The following EPG5 variants were observed in gnomAD, a reference collection of about 807,000 sequenced individuals.
The protein encoded by EPG5 is ectopic P-granules 5 autophagy tethering factor.
A neutral mutation model predicts 302.7 loss-of-function variants in EPG5; 159 were observed. The ratio of observed to expected loss-of-function variants is 0.53; its 90% CI spans 0.46 to 0.60. The LOEUF (loss-of-function observed/expected upper bound fraction) is 0.60, where lower values mean the gene tolerates loss of function less well. Ranked by LOEUF, EPG5 falls within the 20% of genes least tolerant of loss-of-function variation. The pLI is 0.00. For missense variants in EPG5, 2,896 were observed against 3,092.4 expected, an observed-to-expected ratio of 0.94 and a Z score of 1.51; for synonymous variants, 1,158 against 1,136.8, an observed-to-expected ratio of 1.02 and a Z score of -0.37.
intron 24 of EPG5, among the ~76,000 whole-genome samples, chr18:45,906,895 A>T (rs1356419338): frequency 6.6e-6 from 1 of 152,172 alleles, no homozygotes; most frequent in East Asian, 1.9e-4. Context: ...GCCTCAGGTG[A>T]TCTACCCACC....
Position 45,910,754 on chromosome 18 carries a change from C to G in EPG5, c.3984-12G>C, listed in dbSNP as rs2145667569. On this transcript the variant is annotated splice_polypyrimidine_tract_variant and intron_variant, in intron 22 of 43. Transcript: ENST00000282041. ...CATCTATGGGTAACCTTAAAAAACACAAGCACAGATCTATAACCTTTCAAC... is the reference window on the plus strand; with the variant it reads ...CATCTATGGGTAACCTTAAAAAACAGAAGCACAGATCTATAACCTTTCAAC... The G allele has an allele frequency of 6.2e-7, 1 of 1,603,300 alleles. No individual in the cohort carries two copies. The highest frequency in any genetic ancestry group is 8.5e-7 in the Non-Finnish European group (1 of 1,170,820).
In EPG5 at chr18:45,952,344, C is replaced by T. The variant is rs928632821; in HGVS notation, c.1252+56G>A. 1.3e-5 allele frequency: 21 copies of T among 1,590,962 alleles called. No individual in the cohort carries two copies. The South Asian group carries it at 2.0e-4, about 16-fold the overall frequency. ...TACAGTCAATTCAACCAGGCTATACCCCTCAATTTTTTTTTACTTCAAAAC... is the reference window on the plus strand; with the variant it reads ...TACAGTCAATTCAACCAGGCTATACTCCTCAATTTTTTTTTACTTCAAAAC... On this transcript the variant is annotated intron_variant, in intron 3 of 43. Coordinates refer to ENST00000282041, the MANE Select transcript of EPG5 (RefSeq NM_020964.3).
intron 26 of EPG5, among the ~76,000 whole-genome samples, chr18:45,899,811 CA>C (rs1321296404): frequency 6.6e-6 from 1 of 152,172 alleles, no homozygotes; most frequent in Admixed American, 6.5e-5. Flanking sequence ...TAGCCACAAA[CA>C]AAGCTCCATT....
At chr18:45,929,136 C>A in intron 12 of EPG5, 127 bp from the exon 13 acceptor site, 5 of 936,128 alleles carry the variant, frequency 5.3e-6, no homozygotes, top group Non-Finnish European at 7.8e-6. Context: ...CACTATGTTC[C>A]AAAAAATGTT....
At chr18:45,945,245 C>T (rs937018019) in intron 7 of EPG5, among the ~76,000 whole-genome samples, 2 of 152,192 alleles carry the variant, frequency 1.3e-5, no homozygotes, top group African/African-American at 4.8e-5. Flanking sequence ...TAGTTCTCAA[C>T]TTAGCTATTC....
At position 45,858,001 on chromosome 18, in the gene EPG5, T is replaced by C. The variant is rs768694584; in HGVS notation, c.7294A>G (p.Thr2432Ala). The C allele has an allele frequency of 5.0e-6, 8 of 1,613,750 alleles. No homozygotes were observed. Among genetic ancestry groups the C allele is most frequent in the Non-Finnish European group, 6.8e-6 (8 of 1,179,982 alleles). The change falls in exon 42 of 44, where the codon ACA (threonine) becomes GCA (alanine). Residue 2432 changes from threonine to alanine, a missense_variant. Thr to Ala is a moderately conservative substitution (Grantham distance 58). Coordinates refer to ENST00000282041, the MANE Select transcript of EPG5 (RefSeq NM_020964.3). The part of the protein sequence containing the change: ...HQVLQLSLIQ[T>A]EQNDSVLTES... ...GTCAGGACGGAGTCATTCTGCTCTG[T>C]CTGAATGAGGGAGAGCTGAAGGACT...
rs1023469699 is a variant in EPG5 at position 45,880,179 on chromosome 18, G to C, written c.5563C>G (p.Leu1855Val). The change falls in exon 32 of 44, where the codon CTG becomes GTG. Residue 1855 changes from leucine (L) to valine (V), a missense_variant. Physicochemically the swap from Leu to Val is conservative, Grantham distance 32. Around this residue, in one of 5 missense-constraint regions of EPG5, gnomAD observed 790 missense variants for 798.0 expected, o/e 0.99. Coordinates refer to ENST00000282041, the MANE Select transcript of EPG5 (RefSeq NM_020964.3). ...LLSPECWKATLRALGCCAPSC... is the reference protein window; with the variant it reads ...LLSPECWKATVRALGCCAPSC... Reference sequence around the variant, plus strand: ...GGGGCGCAGCAGCCCAGGGCTCTCAGAGTGGCCTTCCAACACTCGGGGCTC... The same window carrying C: ...GGGGCGCAGCAGCCCAGGGCTCTCACAGTGGCCTTCCAACACTCGGGGCTC... 6.2e-7 allele frequency: 1 copy of C among 1,610,688 alleles called. No individual in the cohort carries two copies. The highest frequency in any genetic ancestry group is 8.5e-7 in the Non-Finnish European group (1 of 1,178,090).
chr18:45,810,600 G>T, the EPG5 span, among the ~76,000 whole-genome samples: 16 of 152,222 alleles, frequency 1.1e-4, no homozygotes, highest in East Asian at 3.1e-3. Flanking sequence ...GGCTAACATG[G>T]CAAAACCCTG....
chr18:45,946,540 T>C, intron 7 of EPG5, 123 bp downstream of exon 7: 1 of 698,986 alleles, frequency 1.4e-6, no homozygotes, highest in Non-Finnish European at 2.5e-6. Context: ...TCATAAGTCT[T>C]TACCTCATGG....
At chr18:45,943,473 T>C (rs1034623791) in intron 8 of EPG5, among the ~76,000 whole-genome samples, 162 bp from the exon 9 acceptor site, 5 of 152,210 alleles carry the variant, frequency 3.3e-5, no homozygotes, top group African/African-American at 1.2e-4. Flanking sequence ...GGGAAAAAAC[T>C]TGAGACAATG....
intron 25 of EPG5, among the ~76,000 whole-genome samples, chr18:45,902,377 G>T (rs2049639373): frequency 6.6e-6 from 1 of 152,144 alleles, no homozygotes; most frequent in Non-Finnish European, 1.5e-5. Flanking sequence ...TACTATTTAT[G>T]TTAAAGTTCC....
chr18:45,906,316 A>G (rs563759226), intron 24 of EPG5, among the ~76,000 whole-genome samples: 4 of 152,234 alleles, frequency 2.6e-5, no homozygotes, highest in Non-Finnish European at 5.9e-5. Context: ...ACTTCAAAAT[A>G]CAAGCCAAAT....
chr18:45,930,549 C>A (rs2050376133), intron 12 of EPG5, 127 bp downstream of exon 12: 1 of 636,138 alleles, frequency 1.6e-6, no homozygotes, highest in African/African-American at 1.9e-5. Flanking sequence ...ATTCTCTATC[C>A]CTTCTCTGAA....
At chr18:45,902,845 T>G (rs770442544) in intron 25 of EPG5, among the ~76,000 whole-genome samples, 1 of 152,224 alleles carries the variant, frequency 6.6e-6, no homozygotes, top group Non-Finnish European at 1.5e-5. Context: ...ATGTGGCCCA[T>G]GCAGGCAGGT....
At chr18:45,945,132 T>C (rs957442796) in intron 7 of EPG5, among the ~76,000 whole-genome samples, 1 of 152,224 alleles carries the variant, frequency 6.6e-6, no homozygotes, top group African/African-American at 2.4e-5. Context: ...AACAAGGGAC[T>C]AAGGCAAAAT....
intron 11 of EPG5, among the ~76,000 whole-genome samples, chr18:45,931,430 G>C (rs1482687287): frequency 6.6e-6 from 1 of 152,130 alleles, no homozygotes; most frequent in Non-Finnish European, 1.5e-5. Flanking sequence ...AAAGGATGTT[G>C]TAAAAGCAAT....
intron 12 of EPG5, among the ~76,000 whole-genome samples, chr18:45,929,701 A>G (rs1320781797): frequency 6.6e-6 from 1 of 152,238 alleles, no homozygotes; most frequent in Non-Finnish European, 1.5e-5. Flanking sequence ...ACAGATCTTG[A>G]GAATGTCACT....
At chr18:45,940,221 A>C (rs1490137433) in intron 9 of EPG5, among the ~76,000 whole-genome samples, 3 of 152,232 alleles carry the variant, frequency 2.0e-5, no homozygotes, top group Non-Finnish European at 1.5e-5. Context: ...GGTGTCAGGT[A>C]TGTTTAGGAA....
At chr18:45,889,479 A>T (rs1025974157) in intron 28 of EPG5, among the ~76,000 whole-genome samples, 1 of 152,224 alleles carries the variant, frequency 6.6e-6, no homozygotes, top group African/African-American at 2.4e-5. Flanking sequence ...CTCACAATTC[A>T]GGGGTCAGCA....
Sources: gnomAD v4.1 joint callset for allele counts (sites outside exome capture counted in the v4.1 genomes callset) on GRCh38, gnomAD v4.1.1 for gene constraint, gnomAD v4.1.1 regional missense constraint, MANE v1.5 for transcripts, NCBI Gene and HGNC (gene_info 2026-07-23, HGNC 2026-07-21) for gene names.